The following NRXN3 variants were observed in gnomAD, a reference collection of about 807,000 sequenced individuals.
NRXN3 encodes neurexin 3.
NRXN3 carries 32 observed loss-of-function variants against 137.6 expected under a neutral mutation model. That is an observed-to-expected ratio of 0.23 (90% confidence interval 0.18 to 0.31). The LOEUF (loss-of-function observed/expected upper bound fraction) is 0.31, where lower values mean the gene tolerates loss of function less well. NRXN3 is among the 10% of genes least tolerant of loss of function. The pLI is 1.00. For missense variants in NRXN3, 1,574 were observed against 2,062.5 expected (o/e 0.76, Z 4.59); for synonymous variants, 798 against 784.5 (o/e 1.02, Z -0.29).
chr14:78,797,224 A>G (rs1173349426), intron 8 of NRXN3, among the ~76,000 whole-genome samples: 2 of 152,236 alleles, frequency 1.3e-5, no homozygotes, highest in African/African-American at 2.4e-5. Context: ...TAAATAAATG[A>G]ACATATGAAC....
chr14:78,232,847 C>G (rs1396176109), intron 1 of NRXN3, among the ~76,000 whole-genome samples: 1 of 152,206 alleles, frequency 6.6e-6, no homozygotes, highest in Non-Finnish European at 1.5e-5. Context: ...GGGAGGCCCA[C>G]TGGCCAGGGA....
chr14:79,514,036 T>C (rs2153693429), intron 16 of NRXN3, among the ~76,000 whole-genome samples: 1 of 152,280 alleles, frequency 6.6e-6, no homozygotes, highest in African/African-American at 2.4e-5. Context: ...ATTAATATAC[T>C]ACATCATGCA....
At chr14:79,146,532 A>G (rs547604572) in intron 15 of NRXN3, among the ~76,000 whole-genome samples, 112 of 152,264 alleles carry the variant, frequency 7.4e-4, no homozygotes, top group African/African-American at 2.7e-3. Flanking sequence ...CCTGGAGTGT[A>G]GAGTTGTCAG....
chr14:78,982,596 G>A (rs962225028), intron 14 of NRXN3, among the ~76,000 whole-genome samples: 6 of 125,918 alleles, frequency 4.8e-5, no homozygotes, highest in East Asian at 2.2e-4. Context: ...ATATTTACAC[G>A]CAGAAAAATA....
intron 6 of NRXN3, among the ~76,000 whole-genome samples, chr14:78,689,913 T>C (rs932281945): frequency 6.6e-6 from 1 of 151,428 alleles, no homozygotes; most frequent in Non-Finnish European, 1.5e-5. Context: ...CATCCTTCTC[T>C]CCCTCCTCCG....
At chr14:78,559,750 T>C (rs1180981460) in intron 4 of NRXN3, among the ~76,000 whole-genome samples, 1 of 152,244 alleles carries the variant, frequency 6.6e-6, no homozygotes, top group Non-Finnish European at 1.5e-5. Flanking sequence ...AAAAAGTTGA[T>C]TTGGACTTGA....
At chr14:79,853,217 C>G (rs754848296) in intron 20 of NRXN3, among the ~76,000 whole-genome samples, 27 of 152,168 alleles carry the variant, frequency 1.8e-4, no homozygotes, top group Non-Finnish European at 3.8e-4. Context: ...CTCCCCCACT[C>G]TAGATGGGGC....
chr14:79,485,799 G>A (rs981610640), intron 16 of NRXN3, among the ~76,000 whole-genome samples: 1 of 152,100 alleles, frequency 6.6e-6, no homozygotes, highest in Non-Finnish European at 1.5e-5. Context: ...AGCTAACGGG[G>A]CACTGTCAAC....
intron 17 of NRXN3, among the ~76,000 whole-genome samples, chr14:79,667,936 G>C (rs953537658): frequency 1.3e-5 from 2 of 151,998 alleles, no homozygotes; most frequent in African/African-American, 2.4e-5. Flanking sequence ...TGTCACTGCT[G>C]TAAGATCCCT....
At chr14:79,153,613 C>T (rs1043839588) in intron 15 of NRXN3, among the ~76,000 whole-genome samples, 9 of 152,060 alleles carry the variant, frequency 5.9e-5, no homozygotes, top group Middle Eastern at 3.4e-3. Flanking sequence ...CCCAGGGCTG[C>T]TCACCACTGA....
chr14:79,426,596 A>G (rs2095658292), intron 15 of NRXN3, among the ~76,000 whole-genome samples: 1 of 152,184 alleles, frequency 6.6e-6, no homozygotes, highest in Non-Finnish European at 1.5e-5. Context: ...ACCAACAGCC[A>G]CTTCTTTTAC....
intron 8 of NRXN3, among the ~76,000 whole-genome samples, chr14:78,791,671 C>G (rs1002790243): frequency 2.0e-5 from 3 of 151,938 alleles, no homozygotes; most frequent in African/African-American, 4.8e-5. Flanking sequence ...GAAAAGTCAC[C>G]AGGAGCACAT....
At chr14:78,214,353 G>C (rs1017896686) in intron 1 of NRXN3, among the ~76,000 whole-genome samples, 1 of 152,146 alleles carries the variant, frequency 6.6e-6, no homozygotes, top group Non-Finnish European at 1.5e-5. Flanking sequence ...TCCCCTCCTA[G>C]TGCTCTTTAA....
chr14:79,552,366 A>C (rs575591760), intron 16 of NRXN3, among the ~76,000 whole-genome samples: 13 of 152,276 alleles, frequency 8.5e-5, no homozygotes, highest in African/African-American at 2.9e-4. Flanking sequence ...GGTCCTCACT[A>C]TCTGTGTGAA....
chr14:78,841,327 G>C (rs2099011844), intron 10 of NRXN3, among the ~76,000 whole-genome samples: 1 of 151,956 alleles, frequency 6.6e-6, no homozygotes, highest in African/African-American at 2.4e-5. Context: ...TCTTCCACTT[G>C]TTTTCTATTT....
chr14:79,459,822 A>G lies in NRXN3; in HGVS notation c.3263-7399A>G, dbSNP rs1335042179. On this transcript the variant is annotated intron_variant, in intron 15 of 20. Coordinates refer to ENST00000335750, the MANE Select transcript of NRXN3 (RefSeq NM_001330195.2). ...TTTGTGAAAGAAATAATTGTCCCAAAGGAAAAACAATGAGCTTATGAAAAT... is the reference window on the plus strand; with the variant it reads ...TTTGTGAAAGAAATAATTGTCCCAAGGGAAAAACAATGAGCTTATGAAAAT... 5.3e-5 allele frequency among the ~76,000 whole-genome samples: 8 copies of G among 152,170 alleles called. No individual in the cohort carries two copies. In the East Asian group the frequency reaches 1.5e-3, roughly 29 times the overall value.
Position 78,259,913 on chromosome 14 carries a change from C to T in NRXN3, c.709+16111C>T, listed in dbSNP as rs147883009. 2.8e-4 allele frequency among the ~76,000 whole-genome samples: 42 copies of T among 152,188 alleles called. No homozygotes were observed. The East Asian group carries it at 6.6e-3, about 24-fold the overall frequency. On this transcript the variant is annotated intron_variant, in intron 2 of 20. Transcript: ENST00000335750. ...CGGGGAGCCTAGGGAGGAGGGGCAACGCCTTCATTTTTCTAAGCAGAAGAG... is the reference window on the plus strand; with the variant it reads ...CGGGGAGCCTAGGGAGGAGGGGCAATGCCTTCATTTTTCTAAGCAGAAGAG...
intron 19 of NRXN3, among the ~76,000 whole-genome samples, chr14:79,706,683 C>A (rs2098781179): frequency 6.6e-6 from 1 of 151,988 alleles, no homozygotes; most frequent in African/African-American, 2.4e-5. Flanking sequence ...GAGGCCCACT[C>A]CCCCCAGCTG....
chr14:78,817,336 T>C (rs1942866830), intron 10 of NRXN3, among the ~76,000 whole-genome samples: 2 of 152,186 alleles, frequency 1.3e-5, no homozygotes, highest in Admixed American at 6.5e-5. Context: ...TGATGTGAAC[T>C]TGAGGCATTA....
Sources: gnomAD v4.1 joint callset for allele counts (sites outside exome capture counted in the v4.1 genomes callset) on GRCh38, gnomAD v4.1.1 for gene constraint, MANE v1.5 for transcripts, NCBI Gene and HGNC (gene_info 2026-07-23, HGNC 2026-07-21) for gene names.